Variants in PDZRN3 observed in about 807,000 individuals in gnomAD.
PDZRN3 encodes the protein E3 ubiquitin-protein ligase PDZRN3.
In PDZRN3, 38 loss-of-function variants were observed where a neutral mutation model predicts 85.7. The ratio of observed to expected loss-of-function variants is 0.44; its 90% confidence interval spans 0.34 to 0.58. PDZRN3 has a LOEUF of 0.58. Among genes scored for constraint, PDZRN3 ranks in the 20% least tolerant of loss-of-function variants. PDZRN3 has a pLI of 0.01. For synonymous variants in PDZRN3, 759 were observed against 638.0 expected (o/e 1.19, Z -2.86); for missense variants, 1,629 against 1,506.4 (o/e 1.08, Z -1.35).
At chr3:73,489,070 G>A (rs77684508) in intron 3 of PDZRN3, among the ~76,000 whole-genome samples, 2,456 of 152,304 alleles carry the variant, frequency 0.016, 47 homozygotes, top group African/African-American at 0.053. Flanking sequence ...CCCTTGGGAT[G>A]GGGGAGATAC....
chr3:73,523,453 C>CTATA lies in PDZRN3; in HGVS notation c.918+78897_918+78900dup, dbSNP rs141660921. ...TTTAAATAGTCACAAATTGCAATAG[C>CTATA]TATATATATATATGTACACATTAAT... On this transcript the variant is annotated intron_variant, in intron 3 of 9. Coordinates refer to ENST00000263666, the MANE Select transcript of PDZRN3 (RefSeq NM_015009.3). 4.1e-3 allele frequency among the ~76,000 whole-genome samples: 622 copies of CTATA among 151,060 alleles called. 7 individuals are homozygous for CTATA. Among genetic ancestry groups the CTATA allele is most frequent in the African/African-American group, 0.012 (511 of 41,150 alleles).
At position 73,624,222 on chromosome 3, in the gene PDZRN3, G is replaced by T; in HGVS notation, c.604C>A (p.Leu202Met). 1 of 1,487,100 alleles carries T rather than the reference G, an allele frequency of 6.7e-7. No homozygotes were observed. Among genetic ancestry groups the T allele is most frequent in the Non-Finnish European group, 8.9e-7 (1 of 1,125,308 alleles). 92.1% of individuals were successfully genotyped at this position (1,487,100 alleles called of 1,614,324 possible). Residue 202 changes from leucine (L) to methionine (M), a missense_variant, in exon 1 of 10, where the codon CTG (leucine) becomes ATG (methionine). Transcript: ENST00000263666. ...GKREKSLVAQ[L>M]AAAQLELQMT... Reference sequence around the variant, plus strand: ...TGCAGCTCAAGCTGCGCCGCGGCCAGCTGGGCCACCAGCGACTTCTCGCGC... The same window carrying T: ...TGCAGCTCAAGCTGCGCCGCGGCCATCTGGGCCACCAGCGACTTCTCGCGC...
chr3:73,545,936 TA>T (rs1467417158), intron 3 of PDZRN3, among the ~76,000 whole-genome samples: 1 of 152,074 alleles, frequency 6.6e-6, no homozygotes, highest in African/African-American at 2.4e-5. Flanking sequence ...TTAACAAAGC[TA>T]AAAGGCCCAG....
intron 3 of PDZRN3, among the ~76,000 whole-genome samples, chr3:73,540,077 A>C (rs1704879401): frequency 7.1e-6 from 1 of 141,612 alleles, no homozygotes; most frequent in Non-Finnish European, 1.5e-5. Context: ...TGCTCTGAAA[A>C]CTGTTGGATG....
At chr3:73,389,605 T>G (rs1315335258) in intron 7 of PDZRN3, among the ~76,000 whole-genome samples, 2 of 152,128 alleles carry the variant, frequency 1.3e-5, no homozygotes, top group Non-Finnish European at 2.9e-5. Context: ...CCCCATCTAG[T>G]TTGTCCCAGT....
intron 3 of PDZRN3, among the ~76,000 whole-genome samples, chr3:73,504,119 TC>T (rs1341591662): frequency 1.3e-5 from 2 of 152,236 alleles, no homozygotes; most frequent in Admixed American, 1.3e-4. Context: ...TGTCTGCTTT[TC>T]TTGAGTACTT....
chr3:73,385,451 G>T (rs755562195), intron 9 of PDZRN3, among the ~76,000 whole-genome samples: 1 of 152,240 alleles, frequency 6.6e-6, no homozygotes, highest in African/African-American at 2.4e-5. Flanking sequence ...CTTTGCTTTG[G>T]CAATGTTGCT....
At chr3:73,500,056 T>C (rs1411253983) in intron 3 of PDZRN3, among the ~76,000 whole-genome samples, 2 of 152,108 alleles carry the variant, frequency 1.3e-5, no homozygotes, top group East Asian at 3.9e-4. Context: ...AAGCCCTTGC[T>C]TTTTTTCCCC....
At chr3:73,582,505 A>T (rs1442620919) in intron 3 of PDZRN3, among the ~76,000 whole-genome samples, 2 of 151,602 alleles carry the variant, frequency 1.3e-5, no homozygotes, top group Non-Finnish European at 2.9e-5. Flanking sequence ...TGTATATTTT[A>T]TATATATATA....
At chr3:73,527,822 C>G (rs1704559299) in intron 3 of PDZRN3, among the ~76,000 whole-genome samples, 1 of 152,156 alleles carries the variant, frequency 6.6e-6, no homozygotes, top group African/African-American at 2.4e-5. Context: ...CTTTTCATGT[C>G]ATGTCCCAGA....
Position 73,607,377 on chromosome 3 carries a change from T to C in PDZRN3, c.810+1221A>G, listed in dbSNP as rs539756466. 4.1e-4 allele frequency among the ~76,000 whole-genome samples: 63 copies of C among 152,296 alleles called. No individual in the cohort carries two copies. In the South Asian group the frequency reaches 8.5e-3, roughly 21 times the overall value. On this transcript the variant is annotated intron_variant, in intron 2 of 9. Transcript: ENST00000263666. ...TCTAGCAAATTCCTGTTCAACCTTC[T>C]GAACTCAGCTCCAACGGCCCCTCCC... is the stretch of plus-strand genomic sequence containing the variant.
intron 5 of PDZRN3, among the ~76,000 whole-genome samples, chr3:73,396,782 C>T (rs908932018): frequency 5.9e-5 from 9 of 152,152 alleles, no homozygotes; most frequent in Non-Finnish European, 1.3e-4. Context: ...AAACAATAGA[C>T]AAAAGGAAAA....
intron 2 of PDZRN3, among the ~76,000 whole-genome samples, chr3:73,603,987 T>C (rs557218497): frequency 6.6e-6 from 1 of 151,862 alleles, no homozygotes; most frequent in South Asian, 2.1e-4. Context: ...TTCCTGACAT[T>C]TATCCCCACA....
chr3:73,403,802 T>C (rs1010736569), intron 4 of PDZRN3, among the ~76,000 whole-genome samples: 1 of 152,210 alleles, frequency 6.6e-6, no homozygotes, highest in Admixed American at 6.5e-5. Flanking sequence ...TTTTTGTCTA[T>C]TTAAAAGAAT....
At chr3:73,402,884 C>A (rs1005312673) in intron 4 of PDZRN3, among the ~76,000 whole-genome samples, 1 of 151,690 alleles carries the variant, frequency 6.6e-6, no homozygotes, top group African/African-American at 2.4e-5. Context: ...ACAGGGGCGA[C>A]CCTAACATCA....
intron 3 of PDZRN3, among the ~76,000 whole-genome samples, chr3:73,601,916 T>C (rs1340802096): frequency 1.3e-5 from 2 of 152,118 alleles, no homozygotes; most frequent in African/African-American, 4.8e-5. Flanking sequence ...AACAATGCAT[T>C]TGTAGAAATA....
chr3:73,383,129 G>A lies in PDZRN3; in HGVS notation c.*236C>T. On this transcript the variant is annotated 3_prime_UTR_variant, in exon 10 of 10. Coordinates refer to ENST00000263666, the MANE Select transcript of PDZRN3 (RefSeq NM_015009.3). The stretch of plus-strand genomic sequence containing the variant: ...AGGGTACAGGTAGAAAAGTACAATT[G>A]CTATTTGAAAAAAGCTCTGTTTGTT... 3 of 453,332 alleles carry A rather than the reference G, an allele frequency of 6.6e-6. No homozygotes were observed. The highest frequency in any genetic ancestry group is 7.7e-6 in the Non-Finnish European group (2 of 259,958). The allele number at this position is 453,332 out of a possible 1,614,324, so 28.1% of individuals were successfully genotyped here. A position where few individuals can be genotyped will look rare whatever the true frequency, so the allele number is the denominator to read the frequency against.
intron 3 of PDZRN3, among the ~76,000 whole-genome samples, chr3:73,496,490 G>GT (rs148405964): frequency 4.0e-5 from 6 of 150,520 alleles, no homozygotes; most frequent in South Asian, 2.1e-4. Flanking sequence ...TTTCCTGGGT[G>GT]TTTTTTTTAA....
At chr3:73,511,051 A>G (rs902001480) in intron 3 of PDZRN3, among the ~76,000 whole-genome samples, 1 of 152,218 alleles carries the variant, frequency 6.6e-6, no homozygotes, top group African/African-American at 2.4e-5. Context: ...ATCGCTTTTA[A>G]CATATACAAA....
Sources: allele counts gnomAD v4.1 joint callset (sites outside exome capture counted in the v4.1 genomes callset), GRCh38; gene constraint gnomAD v4.1.1; transcripts MANE v1.5; gene names NCBI Gene and HGNC (gene_info 2026-07-23, HGNC 2026-07-21).